LNPK: variants seen among roughly 807,000 people sequenced by gnomAD.
The protein encoded by LNPK is lunapark, ER junction formation factor.
In LNPK, 29 loss-of-function variants were observed where a neutral mutation model predicts 55.2. The observed-to-expected ratio is 0.53, with a 90% CI of 0.39 to 0.72. The LOEUF (loss-of-function observed/expected upper bound fraction) is 0.72, where lower values mean the gene tolerates loss of function less well. Ranked by LOEUF, LNPK falls within the 30% of genes least tolerant of loss-of-function variation. LNPK has a pLI of 0.00. For missense variants in LNPK, 467 were observed against 494.8 expected (o/e 0.94, Z 0.53); for synonymous variants, 162 against 168.2 (o/e 0.96, Z 0.29).
chr2:175,973,753 TCAA>T (rs1258925530), intron 5 of LNPK, among the ~76,000 whole-genome samples: 1 of 152,252 alleles, frequency 6.6e-6, no homozygotes, highest in African/African-American at 2.4e-5. Context: ...ATCTGTCAAC[TCAA>T]CAACAGCCAA....
intron 4 of LNPK, among the ~76,000 whole-genome samples, chr2:175,984,127 A>G (rs983668360): frequency 6.6e-6 from 1 of 152,094 alleles, no homozygotes; most frequent in South Asian, 2.1e-4. Flanking sequence ...AAGACAAGAC[A>G]ATCTAAAGAT....
chr2:175,994,555 C>T (rs567028870), intron 2 of LNPK, among the ~76,000 whole-genome samples: 13 of 152,234 alleles, frequency 8.5e-5, no homozygotes, highest in African/African-American at 3.1e-4. Flanking sequence ...CAGAGTCTAG[C>T]TCTGTCGCCC....
chr2:175,933,731 GTT>G (rs34348423), intron 12 of LNPK, among the ~76,000 whole-genome samples: 5 of 122,100 alleles, frequency 4.1e-5, no homozygotes, highest in Non-Finnish European at 6.5e-5. Context: ...CAAGTTAAGG[GTT>G]TTTTTTTTTT....
chr2:175,958,349 G>A (rs1034909856), intron 8 of LNPK, among the ~76,000 whole-genome samples: 1 of 152,126 alleles, frequency 6.6e-6, no homozygotes, highest in Admixed American at 6.5e-5. Flanking sequence ...TGCCCCTCTG[G>A]GACGAAGCGT....
chr2:175,975,155 T>A (rs1686852212), intron 5 of LNPK, among the ~76,000 whole-genome samples: 1 of 152,080 alleles, frequency 6.6e-6, no homozygotes, highest in South Asian at 2.1e-4. Flanking sequence ...CTTAATCTGA[T>A]AAAAAGCATT....
At position 175,951,979 on chromosome 2, in the gene LNPK, G is replaced by C. The variant is rs151290927; in HGVS notation, c.494-4287C>G. On this transcript the variant is annotated intron_variant, in intron 8 of 12. Coordinates refer to ENST00000272748, the MANE Select transcript of LNPK (RefSeq NM_030650.3). ...TTTTGGTTTTGATTTGCATTTCCCTGATCATTAGTGATGTTGAGCATTTTT... is the reference window on the plus strand; with the variant it reads ...TTTTGGTTTTGATTTGCATTTCCCTCATCATTAGTGATGTTGAGCATTTTT... 7.9e-3 allele frequency among the ~76,000 whole-genome samples: 1,196 copies of C among 151,922 alleles called. 41 individuals are homozygous for C. Among genetic ancestry groups the C allele is most frequent in the East Asian group, 0.031 (160 of 5,152 alleles).
intron 6 of LNPK, among the ~76,000 whole-genome samples, chr2:175,966,786 C>T (rs1184414247): frequency 6.6e-6 from 1 of 152,182 alleles, no homozygotes; most frequent in Admixed American, 6.6e-5. Context: ...GTTCAACGCA[C>T]ATTTCTATTC....
At chr2:175,961,303 A>G (rs191543137) in intron 8 of LNPK, among the ~76,000 whole-genome samples, 4 of 152,224 alleles carry the variant, frequency 2.6e-5, no homozygotes, top group African/African-American at 9.6e-5. Context: ...AAAATCCTGA[A>G]TAAAATACTG....
rs372460475 is a variant in LNPK at position 175,939,110 on chromosome 2, T to C, written c.812+442A>G. 3.4e-3 allele frequency among the ~76,000 whole-genome samples: 525 copies of C among 152,254 alleles called. 15 individuals carry two copies. The South Asian group carries it at 0.073, about 21-fold the overall frequency. On this transcript the variant is annotated intron_variant, in intron 10 of 12. Coordinates refer to ENST00000272748, the MANE Select transcript of LNPK (RefSeq NM_030650.3). ...TATACTTTGACAATTGCTCTGTACATATCATACGATCTTCCTAGAGTTATT... is the reference window on the plus strand; with the variant it reads ...TATACTTTGACAATTGCTCTGTACACATCATACGATCTTCCTAGAGTTATT...
chr2:175,986,654 A>T (rs1489944384), intron 4 of LNPK, among the ~76,000 whole-genome samples: 1 of 152,134 alleles, frequency 6.6e-6, no homozygotes, highest in Non-Finnish European at 1.5e-5. Flanking sequence ...TATTTAATAT[A>T]ATCCCTTTGT....
At chr2:175,950,263 A>C (rs866569931) in intron 8 of LNPK, among the ~76,000 whole-genome samples, 2 of 152,226 alleles carry the variant, frequency 1.3e-5, no homozygotes, top group South Asian at 4.1e-4. Context: ...CAAAGAGGTT[A>C]CTTATTAAGG....
Position 175,998,372 on chromosome 2 carries a change from G to A in LNPK, c.-62-2726C>T, listed in dbSNP as rs1688027980. On this transcript the variant is annotated intron_variant, in intron 1 of 12. Transcript: ENST00000272748. ...GGCAGAGAATTGCTTGAACCCAGGA[G>A]GCGGAGGTTGCAGTGAGCCAAGATC... Among the ~76,000 whole-genome samples the A allele has an allele frequency of 1.3e-5, 2 of 151,474 alleles. 1 individual carries two copies. Among genetic ancestry groups the A allele is most frequent in the South Asian group, 4.2e-4 (2 of 4,798 alleles).
chr2:175,931,397 C>A (rs1427457588), intron 12 of LNPK, among the ~76,000 whole-genome samples: 1 of 152,110 alleles, frequency 6.6e-6, no homozygotes, highest in Non-Finnish European at 1.5e-5. Context: ...ATATGGAAGT[C>A]TTAGAAATCC....
chr2:175,955,478 G>C (rs1685648165), intron 8 of LNPK, among the ~76,000 whole-genome samples: 1 of 152,064 alleles, frequency 6.6e-6, no homozygotes, highest in Admixed American at 6.6e-5. Context: ...CAAATTTCAT[G>C]AGCAAAAAAA....
rs369841880 is a variant in LNPK, at chr2:175,964,017, A to G, written c.493+355T>C. The stretch of plus-strand genomic sequence containing the variant: ...ACAGAAATCATAACATTTTTCAAAA[A>G]TAAAACATAAAAATGTAAGGATTTT... On this transcript the variant is annotated intron_variant, in intron 8 of 12. Transcript: ENST00000272748. 3.0e-3 allele frequency among the ~76,000 whole-genome samples: 464 copies of G among 152,288 alleles called. 30 individuals carry two copies. The South Asian group carries it at 0.087, about 28-fold the overall frequency.
chr2:175,964,674 A>G, intron 6 of LNPK, 85 bp from the exon 7 acceptor site: 1 of 723,786 alleles, frequency 1.4e-6, no homozygotes, highest in East Asian at 2.6e-5. Flanking sequence ...AGGTTTAAAT[A>G]TCCTTAATAT....
Position 175,993,164 on chromosome 2 carries a change from C to T in LNPK, c.69+18G>A. The T allele has an allele frequency of 6.8e-7, 1 of 1,479,716 alleles. No individual in the cohort carries two copies. The highest frequency in any genetic ancestry group is 9.2e-7 in the Non-Finnish European group (1 of 1,081,898). The allele number at this position is 1,479,716 out of a possible 1,614,324, so 91.7% of individuals were successfully genotyped here. The stretch of plus-strand genomic sequence containing the variant: ...ATACCTAAAATGAATTAAAATACCT[C>T]ACAGCCAAAGAACATACCTTATCTA... On this transcript the variant is annotated intron_variant, in intron 3 of 12. Coordinates refer to ENST00000272748, the MANE Select transcript of LNPK (RefSeq NM_030650.3).
In LNPK at chr2:175,990,412, C is replaced by G. The variant is rs573945654; in HGVS notation, c.257+1819G>C. Among the ~76,000 whole-genome samples, 8 of 152,294 alleles carry G rather than the reference C, an allele frequency of 5.3e-5. No individual in the cohort carries two copies. The East Asian group carries it at 1.5e-3, about 29-fold the overall frequency. On this transcript the variant is annotated intron_variant, in intron 4 of 12. Transcript: ENST00000272748. ...AGAATGAAGCAGCCTGAGGCCCTCA[C>G]CAGATGCAGATGCTGGTGCCATACT...
intron 3 of LNPK, among the ~76,000 whole-genome samples, 166 bp downstream of exon 3, chr2:175,993,016 A>G (rs536981247): frequency 2.0e-5 from 3 of 152,248 alleles, no homozygotes; most frequent in Non-Finnish European, 4.4e-5. Flanking sequence ...TAAGTCACGG[A>G]TAGACTTTGG....
Sources: gnomAD v4.1 joint callset for allele counts (sites outside exome capture counted in the v4.1 genomes callset) on GRCh38, gnomAD v4.1.1 for gene constraint, MANE v1.5 for transcripts, NCBI Gene and HGNC (gene_info 2026-07-23, HGNC 2026-07-21) for gene names.